PRKN: variants seen among roughly 807,000 people sequenced by gnomAD.
PRKN encodes parkin RBR E3 ubiquitin protein ligase.
PRKN carries 56 observed loss-of-function variants against 59.5 expected under a neutral mutation model. The ratio of observed to expected loss-of-function variants is 0.94; its 90% CI spans 0.76 to 1.18. The LOEUF (loss-of-function observed/expected upper bound fraction) is 1.18. Ranked by LOEUF, PRKN falls within the 50% of genes most tolerant of loss-of-function variation. The pLI is 0.00. For synonymous variants in PRKN, 250 were observed against 222.1 expected (o/e 1.13, Z -1.12); for missense variants, 657 against 596.4 (o/e 1.10, Z -1.06).
intron 9 of PRKN, among the ~76,000 whole-genome samples, chr6:161,476,676 C>T (rs1791098963): frequency 1.3e-5 from 2 of 152,124 alleles, no homozygotes; most frequent in Admixed American, 1.3e-4. Context: ...GAAGACCCAC[C>T]GATTTGTTTC....
At chr6:162,496,499 T>C (rs1268742650) in intron 1 of PRKN, among the ~76,000 whole-genome samples, 2 of 152,262 alleles carry the variant, frequency 1.3e-5, no homozygotes, top group East Asian at 1.9e-4. Flanking sequence ...TTCCCAAATA[T>C]CAAATATATA....
intron 5 of PRKN, among the ~76,000 whole-genome samples, chr6:162,044,384 G>A (rs886886689): frequency 8.5e-5 from 13 of 152,258 alleles, no homozygotes; most frequent in African/African-American, 2.2e-4. Flanking sequence ...CTGCTGCCAC[G>A]GGGCTCCTGC....
At chr6:162,160,090 G>A (rs1303755319) in intron 4 of PRKN, among the ~76,000 whole-genome samples, 2 of 152,286 alleles carry the variant, frequency 1.3e-5, no homozygotes, top group East Asian at 3.9e-4. Context: ...TGAAAGACAT[G>A]TTTAGGGAAT....
chr6:162,355,662 T>C (rs1422291424), intron 2 of PRKN, among the ~76,000 whole-genome samples: 1 of 151,210 alleles, frequency 6.6e-6, no homozygotes, highest in East Asian at 1.9e-4. Flanking sequence ...GGGTTGGAGA[T>C]GAAAAAAGAA....
At chr6:161,829,488 C>A (rs1482428287) in intron 6 of PRKN, among the ~76,000 whole-genome samples, 1 of 152,106 alleles carries the variant, frequency 6.6e-6, no homozygotes, top group East Asian at 1.9e-4. Flanking sequence ...TCCCTGCGGT[C>A]TGAGGATCAG....
chr6:162,172,905 G>C (rs976637164), intron 4 of PRKN, among the ~76,000 whole-genome samples: 2 of 152,150 alleles, frequency 1.3e-5, no homozygotes, highest in Non-Finnish European at 2.9e-5. Context: ...CCAGAAGAAA[G>C]AGGAAGAAGG....
chr6:162,268,942 G>C lies in PRKN; in HGVS notation c.172-6177C>G, dbSNP rs1303516232. ...ATGAGAAGACAGGATCTGGGACGGG[G>C]CTGTATAGGAGGTAGCAAAGTAAAG... is the stretch of plus-strand genomic sequence containing the variant. On this transcript the variant is annotated intron_variant, in intron 2 of 11. Coordinates refer to ENST00000366898, the MANE Select transcript of PRKN (RefSeq NM_004562.3). 2.6e-5 allele frequency among the ~76,000 whole-genome samples: 4 copies of C among 152,206 alleles called. No individual in the cohort carries two copies. The East Asian group carries it at 7.7e-4, about 29-fold the overall frequency.
rs1237523003 is a variant in PRKN, at chr6:162,224,736, C to A, written c.413-23484G>T. Among the ~76,000 whole-genome samples, 3 of 152,232 alleles carry A rather than the reference C, an allele frequency of 2.0e-5. No homozygotes were observed. The East Asian group carries it at 5.8e-4, about 29-fold the overall frequency. On this transcript the variant is annotated intron_variant, in intron 3 of 11. Coordinates refer to ENST00000366898, the MANE Select transcript of PRKN (RefSeq NM_004562.3). ...CATCCTCTTTCTGGGCACGGACCCA[C>A]CCTGACCCAGCCACTCTAGTATTAT...
intron 7 of PRKN, among the ~76,000 whole-genome samples, chr6:161,777,058 T>C (rs114601424): frequency 0.039 from 5,911 of 152,230 alleles, 381 homozygotes; most frequent in African/African-American, 0.13. Flanking sequence ...GCCATAACTC[T>C]CTGGCTTTGT....
At chr6:161,913,214 G>T (rs1778433115) in intron 6 of PRKN, among the ~76,000 whole-genome samples, 2 of 150,956 alleles carry the variant, frequency 1.3e-5, no homozygotes, top group Non-Finnish European at 1.5e-5. Context: ...GTATAATGTG[G>T]CAATAGATAG....
At chr6:162,621,972 G>A (rs966300691) in intron 1 of PRKN, among the ~76,000 whole-genome samples, 2 of 151,894 alleles carry the variant, frequency 1.3e-5, no homozygotes, top group Non-Finnish European at 2.9e-5. Context: ...ATGCCACCAC[G>A]CCTAGCTAAT....
rs1220660183 is a variant in PRKN at position 161,549,687 on chromosome 6, C to G, written c.934-684G>C. ...AAATAAATTCCAAACTCCATCAGAC[C>G]ATTTTCAAGGTCTTCTTTGTGGCAG... On this transcript the variant is annotated intron_variant, in intron 8 of 11. Transcript: ENST00000366898. This position sits in a 1 kb window ranked among gnomAD's most constrained non-coding sequence, Gnocchi z 6.0. Among the ~76,000 whole-genome samples, 1 of 152,144 alleles carries G rather than the reference C, an allele frequency of 6.6e-6. No homozygotes were observed. The highest frequency in any genetic ancestry group is 6.5e-5 in the Admixed American group (1 of 15,284).
At chr6:162,225,410 G>C (rs1778126489) in intron 3 of PRKN, among the ~76,000 whole-genome samples, 1 of 152,216 alleles carries the variant, frequency 6.6e-6, no homozygotes, top group Non-Finnish European at 1.5e-5. Context: ...TTGAACTTGA[G>C]AAATTCAGGC....
At chr6:161,923,221 G>A (rs1347614316) in intron 6 of PRKN, among the ~76,000 whole-genome samples, 3 of 152,256 alleles carry the variant, frequency 2.0e-5, no homozygotes, top group South Asian at 2.1e-4. Context: ...CGGGGCTCAT[G>A]CCTATAATCC....
At chr6:162,530,912 C>A (rs2803076) in intron 1 of PRKN, among the ~76,000 whole-genome samples, 52,896 of 151,200 alleles carry the variant, frequency 0.35, 10,990 homozygotes, top group Middle Eastern at 0.51. Flanking sequence ...AAATAATTAG[C>A]AGGGCATGGC....
chr6:161,452,868 C>CTT (rs1308164535), intron 9 of PRKN, among the ~76,000 whole-genome samples: 1 of 151,626 alleles, frequency 6.6e-6, no homozygotes, highest in Non-Finnish European at 1.5e-5. Context: ...CTCTCTCTCT[C>CTT]TCTCTAATAT....
intron 1 of PRKN, among the ~76,000 whole-genome samples, chr6:162,527,249 G>A (rs1464568034): frequency 1.3e-5 from 2 of 152,174 alleles, no homozygotes; most frequent in Non-Finnish European, 2.9e-5. Context: ...AGTATCCACA[G>A]CTCAGAGCAA....
In PRKN at chr6:161,386,761, C is replaced by G. The variant is rs1476375288; in HGVS notation, c.1167+33G>C. On this transcript the variant is annotated intron_variant, in intron 10 of 11. Coordinates refer to ENST00000366898, the MANE Select transcript of PRKN (RefSeq NM_004562.3). The surrounding 1 kb of genome is among the most constrained non-coding windows in gnomAD (Gnocchi z 4.3). ...TCCAGTCCCCCACTGTATCCGGAGC[C>G]CTGCTTGGAGGAATGAGTAGGGCAT... 2.6e-6 allele frequency: 4 copies of G among 1,520,846 alleles called. No individual in the cohort carries two copies. Among genetic ancestry groups the G allele is most frequent in the African/African-American group, 1.4e-5 (1 of 73,108 alleles). 94.2% of individuals were successfully genotyped at this position (1,520,846 alleles called of 1,614,324 possible).
chr6:162,293,840 G>A (rs140166391), intron 2 of PRKN, among the ~76,000 whole-genome samples: 259 of 152,184 alleles, frequency 1.7e-3, no homozygotes, highest in Non-Finnish European at 2.6e-3. Flanking sequence ...CACCGCACCC[G>A]GCTAATTTTT....
Sources: gnomAD v4.1 joint callset for allele counts (sites outside exome capture counted in the v4.1 genomes callset) on GRCh38, gnomAD v4.1.1 for gene constraint, Gnocchi (gnomAD v3.1) non-coding constraint, MANE v1.5 for transcripts, NCBI Gene and HGNC (gene_info 2026-07-23, HGNC 2026-07-21) for gene names.